PRKG2: variants seen among roughly 807,000 people sequenced by gnomAD.
PRKG2 encodes cGMP-dependent protein kinase 2.
A neutral mutation model predicts 97.2 loss-of-function variants in PRKG2; 33 were observed. The ratio of observed to expected loss-of-function variants is 0.34; its 90% confidence interval spans 0.26 to 0.45. The LOEUF (loss-of-function observed/expected upper bound fraction) is 0.45. PRKG2 is among the 20% of genes least tolerant of loss of function. PRKG2 has a pLI of 1.00. For missense variants in PRKG2, 638 were observed against 900.0 expected, an observed-to-expected ratio of 0.71 and a Z score of 3.73; for synonymous variants, 330 against 321.8, an observed-to-expected ratio of 1.03 and a Z score of -0.27.
At chr4:81,162,094 C>T (rs1345136311) in intron 6 of PRKG2, among the ~76,000 whole-genome samples, 2 of 152,146 alleles carry the variant, frequency 1.3e-5, no homozygotes, top group Non-Finnish European at 2.9e-5. Context: ...TTTCCTACAT[C>T]TTCTGGACCT....
At position 81,105,851 on chromosome 4, in the gene PRKG2, T is replaced by G. The variant is rs904115080; in HGVS notation, c.2025A>C (p.Ile675=). 3.7e-6 allele frequency: 6 copies of G among 1,613,790 alleles called. No homozygotes were observed. In the African/African-American group the frequency reaches 8.0e-5, roughly 22 times the overall value. ...GAATCAAATCCTCAGGTCGTCGTGTTATCTTCCTGGGAAAATCCATTTTTT... is the reference window on the plus strand; with the variant it reads ...GAATCAAATCCTCAGGTCGTCGTGTGATCTTCCTGGGAAAATCCATTTTTT... The part of the protein sequence containing the change: ...GIEKMDFPRK[I]TRRPEDLIRR... Residue 675 remains isoleucine (I), a synonymous_variant, in exon 16 of 19, where the codon ATA becomes ATC. Coordinates refer to ENST00000264399, the MANE Select transcript of PRKG2 (RefSeq NM_006259.3).
Position 81,137,098 on chromosome 4 carries a change from A to T in PRKG2, c.1634+295T>A, listed in dbSNP as rs536987457. ...TGCTTCTGCTAGGAGATTTGGAATC[A>T]GAAACACCTGGGTTTTTACCCTGAC... On this transcript the variant is annotated intron_variant, in intron 13 of 18. Coordinates refer to ENST00000264399, the MANE Select transcript of PRKG2 (RefSeq NM_006259.3). Among the ~76,000 whole-genome samples, 3 of 151,466 alleles carry T rather than the reference A, an allele frequency of 2.0e-5. No homozygotes were observed. In the South Asian group the frequency reaches 6.3e-4, roughly 32 times the overall value.
chr4:81,171,765 G>A lies in PRKG2; in HGVS notation c.668C>T (p.Ser223Phe). ...LEVFQGEKLLSSIPMWTTFGE... is the reference protein window; with the variant it reads ...LEVFQGEKLLFSIPMWTTFGE... Reference sequence around the variant, plus strand: ...AAATGTGGTCCACATAGGGATGGAGGACAGCAATTTCTCCCCTTGGAACAC... The same window carrying A: ...AAATGTGGTCCACATAGGGATGGAGAACAGCAATTTCTCCCCTTGGAACAC... Residue 223 changes from serine to phenylalanine, a missense_variant, in exon 4 of 19, where the codon TCC becomes TTC. Transcript: ENST00000264399. 1 of 1,611,442 alleles carries A rather than the reference G, an allele frequency of 6.2e-7. No individual in the cohort carries two copies. Among genetic ancestry groups the A allele is most frequent in the Non-Finnish European group, 8.5e-7 (1 of 1,178,750 alleles).
chr4:81,121,579 A>G (rs973120495), intron 14 of PRKG2, among the ~76,000 whole-genome samples: 8 of 151,672 alleles, frequency 5.3e-5, no homozygotes, highest in African/African-American at 2.0e-4. Context: ...TCAAATTTGT[A>G]GACACAGAGC....
chr4:81,162,946 C>G (rs965697624), intron 6 of PRKG2, among the ~76,000 whole-genome samples: 2 of 152,144 alleles, frequency 1.3e-5, no homozygotes, highest in African/African-American at 4.8e-5. Context: ...TTAGGCTGTT[C>G]TTCAGTTATT....
chr4:81,172,119 T>C (rs1036002607), intron 3 of PRKG2, among the ~76,000 whole-genome samples: 1 of 151,972 alleles, frequency 6.6e-6, no homozygotes, highest in Non-Finnish European at 1.5e-5. Flanking sequence ...TTTAGAACAA[T>C]GGCTAGTGCA....
intron 16 of PRKG2, 85 bp from the exon 17 acceptor site, chr4:81,104,517 C>T (rs1283005371): frequency 1.6e-6 from 1 of 624,718 alleles, no homozygotes; most frequent in African/African-American, 2.0e-5. Context: ...TAAAACTTAA[C>T]ATCTATTTGT....
At chr4:81,123,200 C>T (rs1390800881) in intron 14 of PRKG2, among the ~76,000 whole-genome samples, 1 of 152,164 alleles carries the variant, frequency 6.6e-6, no homozygotes, top group African/African-American at 2.4e-5. Context: ...CCTTATCTGC[C>T]AAATTCCTAT....
At chr4:81,125,258 T>G (rs1216026744) in intron 14 of PRKG2, among the ~76,000 whole-genome samples, 1 of 152,202 alleles carries the variant, frequency 6.6e-6, no homozygotes, top group Non-Finnish European at 1.5e-5. Flanking sequence ...CACTATACTG[T>G]CAAGATAGAG....
intron 7 of PRKG2, 134 bp from the exon 8 acceptor site, chr4:81,152,188 T>C (rs948944270): frequency 4.6e-6 from 3 of 653,860 alleles, no homozygotes; most frequent in Non-Finnish European, 7.7e-6. Context: ...GTTTTAATTT[T>C]ATGGTAATTA....
chr4:81,162,811 C>T (rs1424910499), intron 6 of PRKG2, among the ~76,000 whole-genome samples: 4 of 152,106 alleles, frequency 2.6e-5, no homozygotes, highest in Admixed American at 1.3e-4. Flanking sequence ...GCTATAGCTG[C>T]GGGGATTGTG....
In PRKG2 at chr4:81,152,078, A is replaced by T. The variant is rs28727457; in HGVS notation, c.991-24T>A. The T allele has an allele frequency of 0.017, 25,305 of 1,529,196 alleles. 3,470 individuals carry two copies. In the African/African-American group the frequency reaches 0.3, roughly 18 times the overall value. The allele number at this position is 1,529,196 out of a possible 1,614,324, so 94.7% of individuals were successfully genotyped here. ...ACCTAAACAATGTTAAGCAATACAA[A>T]CAGAAAGAGACTGAAGAAAAAGGAG... On this transcript the variant is annotated intron_variant, in intron 7 of 18. Transcript: ENST00000264399.
chr4:81,102,070 T>C (rs1169322043), intron 17 of PRKG2, among the ~76,000 whole-genome samples: 2 of 152,202 alleles, frequency 1.3e-5, no homozygotes, highest in Non-Finnish European at 2.9e-5. Context: ...GTAAATTTGG[T>C]ATATCTTATT....
chr4:81,185,903 A>G (rs999247065), intron 2 of PRKG2, among the ~76,000 whole-genome samples: 2 of 152,244 alleles, frequency 1.3e-5, no homozygotes, highest in African/African-American at 4.8e-5. Context: ...TAAAGGAATC[A>G]ATGCAACAAG....
intron 11 of PRKG2, among the ~76,000 whole-genome samples, chr4:81,141,537 T>C (rs1370298510): frequency 6.6e-6 from 1 of 152,198 alleles, no homozygotes; most frequent in African/African-American, 2.4e-5. Context: ...CACGATCAAG[T>C]ATTTCCTAAA....
In PRKG2 at chr4:81,093,980, G is replaced by A. The variant is rs139326884; in HGVS notation, c.2127-1528C>T. ...TTTATGGAAAGTCAGCTTGGTCTCAGGCATCAAAAAATGGCCCTGATAGAC... is the reference window on the plus strand; with the variant it reads ...TTTATGGAAAGTCAGCTTGGTCTCAAGCATCAAAAAATGGCCCTGATAGAC... On this transcript the variant is annotated intron_variant, in intron 17 of 18. Coordinates refer to ENST00000264399, the MANE Select transcript of PRKG2 (RefSeq NM_006259.3). 1.1e-3 allele frequency among the ~76,000 whole-genome samples: 172 copies of A among 152,236 alleles called. 2 individuals are homozygous for A. The highest frequency in any genetic ancestry group is 7.7e-3 in the East Asian group (40 of 5,178).
intron 6 of PRKG2, among the ~76,000 whole-genome samples, chr4:81,160,159 GAGACAC>G (rs1345616097): frequency 6.6e-5 from 10 of 152,030 alleles, no homozygotes; most frequent in Non-Finnish European, 1.0e-4. Flanking sequence ...AGATCAAGTG[GAGACAC>G]ATAATTGAAG....
intron 13 of PRKG2, among the ~76,000 whole-genome samples, chr4:81,136,718 A>G (rs1159287487): frequency 1.3e-5 from 2 of 152,050 alleles, no homozygotes; most frequent in African/African-American, 2.4e-5. Context: ...CTACGACACT[A>G]TTTGGCATTT....
chr4:81,161,001 ACT>A (rs1216126822), intron 6 of PRKG2, among the ~76,000 whole-genome samples: 1 of 152,202 alleles, frequency 6.6e-6, no homozygotes, highest in Non-Finnish European at 1.5e-5. Flanking sequence ...AAAAGGCATA[ACT>A]AACCACATAA....
Sources: allele counts gnomAD v4.1 joint callset (sites outside exome capture counted in the v4.1 genomes callset), GRCh38; gene constraint gnomAD v4.1.1; transcripts MANE v1.5; gene names NCBI Gene and HGNC (gene_info 2026-07-23, HGNC 2026-07-21).